GRIPAP1: variants seen among roughly 807,000 people sequenced by gnomAD.
GRIPAP1 encodes the protein GRIP1 associated protein 1.
Under a neutral mutation model 84.1 loss-of-function variants are expected in GRIPAP1, and 14 were observed. That is an observed-to-expected ratio of 0.17 (90% CI 0.11 to 0.26). The LOEUF (loss-of-function observed/expected upper bound fraction) is 0.26. Ranked by LOEUF, GRIPAP1 falls within the 10% of genes least tolerant of loss-of-function variation. The pLI is 1.00. For missense variants in GRIPAP1, 518 were observed against 674.2 expected, an observed-to-expected ratio of 0.77 and a Z score of 2.57; for synonymous variants, 261 against 256.8, an observed-to-expected ratio of 1.02 and a Z score of -0.15.
Position 48,983,858 on chromosome X carries a change from C to T in GRIPAP1, c.1189G>A (p.Ala397Thr). 1 of 1,151,714 alleles carries T rather than the reference C, an allele frequency of 8.7e-7. No individual in the cohort carries two copies. Among genetic ancestry groups the T allele is most frequent in the Non-Finnish European group, 1.2e-6 (1 of 840,815 alleles). The allele number at this position is 1,151,714 out of a possible 1,213,427, so 94.9% of individuals were successfully genotyped here. A position where few individuals can be genotyped will look rare whatever the true frequency, so the allele number is the denominator to read the frequency against. The change falls in exon 15 of 26, where the codon GCC becomes ACC. Residue 397 changes from alanine (A) to threonine (T), a missense_variant. Physicochemically the swap from Ala to Thr is moderately conservative, Grantham distance 58. Transcript: ENST00000376423. ...AGTTGTTCCAGCAGTCGACTATTGG[C>T]CCGTAATGACTCCTAATGCAGACAC... is the stretch of plus-strand genomic sequence containing the variant. ...LNSQLQESLR[A>T]NSRLLEQLQE...
chrX:48,998,384 G>C (rs980271527), intron 3 of GRIPAP1, among the ~76,000 whole-genome samples: 1 of 112,444 alleles, frequency 8.9e-6, no homozygotes, highest in Non-Finnish European at 1.9e-5. Flanking sequence ...GTGAATGAAT[G>C]CAAGTCTTGC....
Position 48,974,106 on chromosome X carries a change from C to G in GRIPAP1, c.*87G>C, listed in dbSNP as rs1557059698. 5.1e-6 allele frequency: 3 copies of G among 584,405 alleles called. No homozygotes were observed. Among genetic ancestry groups the G allele is most frequent in the African/African-American group, 4.5e-5 (2 of 44,072 alleles). The allele number at this position is 584,405 out of a possible 1,213,427, so 48.2% of individuals were successfully genotyped here. On this transcript the variant is annotated 3_prime_UTR_variant, in exon 26 of 26. Transcript: ENST00000376423. ...AGTCTCCCAAGCTATTTGATTTTGG[C>G]TCCAGCCCTCATTTTTCCACCACAG...
chrX:48,997,143 A>G (rs2064551260), intron 5 of GRIPAP1, 107 bp downstream of exon 5: 2 of 516,787 alleles, frequency 3.9e-6, no homozygotes, highest in Non-Finnish European at 6.5e-6. Context: ...CACCACGGAC[A>G]GTGCTCCAGG....
intron 22 of GRIPAP1, 43 bp from the exon 23 acceptor site, chrX:48,976,406 C>T: frequency 8.5e-7 from 1 of 1,169,949 alleles, no homozygotes; most frequent in Non-Finnish European, 1.1e-6. Flanking sequence ...GGGCTCAGCA[C>T]CACCGACCCC....
rs370605754 is a variant in GRIPAP1, at chrX:48,999,418, A to G, written c.109+20T>C. The G allele has an allele frequency of 1.9e-5, 22 of 1,174,746 alleles. No homozygotes were observed. Among genetic ancestry groups the G allele is most frequent in the African/African-American group, 7.1e-5 (4 of 56,544 alleles). On this transcript the variant is annotated intron_variant, in intron 2 of 25. Coordinates refer to ENST00000376423, the MANE Select transcript of GRIPAP1 (RefSeq NM_020137.5). ...CATTCCCCAAAGCCACCCCCATCTA[A>G]TAAGGCCCTCCTGGCTCACCAACAC...
intron 24 of GRIPAP1, chrX:48,975,532 C>T: frequency 2.5e-6 from 1 of 395,827 alleles, no homozygotes. Context: ...GAAAGATGCA[C>T]ATGACTGTAT....
intron 21 of GRIPAP1, 96 bp from the exon 22 acceptor site, chrX:48,978,531 G>A (rs2064435707): frequency 1.3e-6 from 1 of 799,854 alleles, no homozygotes. Flanking sequence ...TAACAGAGAT[G>A]GAAAGAGAGA....
At position 48,985,341 on chromosome X, in the gene GRIPAP1, G is replaced by T; in HGVS notation, c.1103C>A (p.Ala368Asp). Reference sequence around the variant, plus strand: ...CTCAGCCTGCTGCTGCTGCAACTCAGCTGCCAGCCCAGTGGTCTGTTCCCG... The same window carrying T: ...CTCAGCCTGCTGCTGCTGCAACTCATCTGCCAGCCCAGTGGTCTGTTCCCG... ...MLREQTTGLA[A>D]ELQQQQAEYE... The change falls in exon 14 of 26, where the codon GCT becomes GAT. Residue 368 changes from alanine to aspartate, a missense_variant. By Grantham distance (126) the Ala-to-Asp change is moderately radical (BLOSUM62 -2). Around this residue, in one of 5 missense-constraint regions of GRIPAP1, gnomAD observed 372 missense variants for 458.1 expected, o/e 0.81. Transcript: ENST00000376423. 8.3e-7 allele frequency: 1 copy of T among 1,206,428 alleles called. No individual in the cohort carries two copies. The highest frequency in any genetic ancestry group is 1.1e-6 in the Non-Finnish European group (1 of 890,637).
At chrX:48,982,661 C>T (rs1215711761) in intron 17 of GRIPAP1, among the ~76,000 whole-genome samples, 3 of 112,788 alleles carry the variant, frequency 2.7e-5, no homozygotes, top group Non-Finnish European at 5.6e-5. Flanking sequence ...CAGGCGTGAG[C>T]CACCGCACCC....
At chrX:48,980,892 AAAAAG>A in intron 21 of GRIPAP1, 3 of 271,631 alleles carry the variant, frequency 1.1e-5, no homozygotes, top group East Asian at 1.5e-4. Flanking sequence ...TCAAAAAAAA[AAAAAG>A]AGAGAGAAAA....
At chrX:48,975,877 G>C (rs1202687595) in intron 24 of GRIPAP1, 141 bp downstream of exon 24, 1 of 480,389 alleles carries the variant, frequency 2.1e-6, no homozygotes, top group African/African-American at 2.4e-5. Flanking sequence ...GTGCTTTCCT[G>C]TTCTCCCCTC....
At chrX:48,985,585 G>A in intron 13 of GRIPAP1, among the ~76,000 whole-genome samples, 183 bp from the exon 14 acceptor site, 1 of 111,982 alleles carries the variant, frequency 8.9e-6, no homozygotes, top group South Asian at 3.7e-4. Flanking sequence ...TCATACAATG[G>A]AATACCACAC....
chrX:49,002,235 TCCCCCCA>T lies in GRIPAP1; in HGVS notation c.-13_-7del. On this transcript the variant is annotated 5_prime_UTR_variant, in exon 1 of 26. Transcript: ENST00000376423. Reference sequence around the variant, plus strand: ...TCAGACAGAGCTTGCGCCATGTTCCTCCCCCCACCCCCCCGCCAGCTTTCTGCGCAGA... The same window carrying T: ...TCAGACAGAGCTTGCGCCATGTTCCTCCCCCCCGCCAGCTTTCTGCGCAGA... The T allele has an allele frequency of 9.0e-7, 1 of 1,108,866 alleles. No homozygotes were observed. Among genetic ancestry groups the T allele is most frequent in the Non-Finnish European group, 1.2e-6 (1 of 812,664 alleles). The allele number at this position is 1,108,866 out of a possible 1,213,427, so 91.4% of individuals were successfully genotyped here.
intron 24 of GRIPAP1, chrX:48,975,700 G>C: frequency 5.7e-6 from 2 of 352,857 alleles, no homozygotes; most frequent in Non-Finnish European, 9.8e-6. Context: ...AGATGAAGGA[G>C]TGGGGTGAAA....
At position 48,999,246 on chromosome X, in the gene GRIPAP1, C is replaced by T. The variant is rs1557067668; in HGVS notation, c.163G>A (p.Ala55Thr). Residue 55 changes from alanine to threonine, a missense_variant, in exon 3 of 26, where the codon GCT (alanine) becomes ACT (threonine). By Grantham distance (58) the Ala-to-Thr change is moderately conservative. Transcript: ENST00000376423. ...TGGGTGGAGGGAGGTACCTTCTGAG[C>T]TTTGCTGAACTCCTTATCCAAGTAG... ...VAYLDKEFSK[A>T]QKALSKSKKA... The T allele has an allele frequency of 8.3e-7, 1 of 1,205,159 alleles. No individual in the cohort carries two copies. Among genetic ancestry groups the T allele is most frequent in the East Asian group, 3.0e-5 (1 of 33,803 alleles).
chrX:48,996,156 G>A (rs782151003), intron 5 of GRIPAP1, among the ~76,000 whole-genome samples: 31 of 112,072 alleles, frequency 2.8e-4, no homozygotes, highest in African/African-American at 9.7e-4. Flanking sequence ...AAAAGGTAGA[G>A]CCAAGATTTT....
intron 21 of GRIPAP1, among the ~76,000 whole-genome samples, chrX:48,979,228 A>C (rs1373003589): frequency 9.1e-6 from 1 of 109,937 alleles, no homozygotes; most frequent in East Asian, 2.9e-4. Context: ...CTGTAATCCC[A>C]GCACTTTGGG....
chrX:48,975,744 A>G, intron 24 of GRIPAP1: 1 of 371,320 alleles, frequency 2.7e-6, no homozygotes, highest in Non-Finnish European at 4.6e-6. Context: ...GGAGAGAGAG[A>G]GGAGAGGAAG....
Position 48,988,922 on chromosome X carries a change from C to T in GRIPAP1, c.870+689G>A, listed in dbSNP as rs150935815. On this transcript the variant is annotated intron_variant, in intron 11 of 25. Transcript: ENST00000376423. ...TCCATTCCAAGGGACCTCAGACTCA[C>T]CTTTTCTAGAAGGAAACCCAGAGGC... Among the ~76,000 whole-genome samples, 272 of 110,964 alleles carry T rather than the reference C, an allele frequency of 2.5e-3. 1 individual carries two copies. Among genetic ancestry groups the T allele is most frequent in the African/African-American group, 8.7e-3 (264 of 30,489 alleles).
Sources: allele counts gnomAD v4.1 joint callset (sites outside exome capture counted in the v4.1 genomes callset), GRCh38; gene constraint gnomAD v4.1.1; regional missense constraint gnomAD v4.1.1; transcripts MANE v1.5; gene names NCBI Gene and HGNC (gene_info 2026-07-23, HGNC 2026-07-21).